BCAP29: variants seen among roughly 807,000 people sequenced by gnomAD.
BCAP29 encodes B-cell receptor-associated protein 29.
BCAP29 carries 34 observed loss-of-function variants against 31.8 expected under a neutral mutation model. That is an observed-to-expected ratio of 1.07 (90% confidence interval 0.81 to 1.42). BCAP29 has a LOEUF of 1.42. Among genes scored for constraint, BCAP29 ranks in the 40% most tolerant of loss-of-function variants. BCAP29 has a pLI of 0.00. For missense variants in BCAP29, 314 were observed against 269.2 expected, an observed-to-expected ratio of 1.17 and a Z score of -1.16; for synonymous variants, 104 against 91.3, an observed-to-expected ratio of 1.14 and a Z score of -0.79.
At chr7:107,618,234 C>G in intron 7 of BCAP29, 94 bp from the exon 8 acceptor site, 1 of 850,982 alleles carries the variant, frequency 1.2e-6, no homozygotes, top group Non-Finnish European at 1.8e-6. Context: ...CATAAGTATA[C>G]ATAGAAGAGA....
intron 5 of BCAP29, among the ~76,000 whole-genome samples, chr7:107,598,398 T>C (rs1272454920): frequency 6.6e-6 from 1 of 152,130 alleles, no homozygotes; most frequent in Non-Finnish European, 1.5e-5. Context: ...TCCTCCCTTC[T>C]CCAAAAAACA....
intron 6 of BCAP29, among the ~76,000 whole-genome samples, chr7:107,610,164 T>C (rs1268413445): frequency 2.0e-5 from 3 of 152,230 alleles, no homozygotes; most frequent in African/African-American, 7.2e-5. Context: ...TCATTTTCTA[T>C]ATTAATAAAT....
At chr7:107,600,093 TGAG>T in intron 5 of BCAP29, 1 of 343,002 alleles carries the variant, frequency 2.9e-6, no homozygotes, top group Non-Finnish European at 5.6e-6. Context: ...TCTCATTAAT[TGAG>T]GAAGAAAGAC....
chr7:107,615,213 G>A, intron 7 of BCAP29: 1 of 456,724 alleles, frequency 2.2e-6, no homozygotes, highest in East Asian at 6.9e-5. Flanking sequence ...ATATATAACA[G>A]TGAGATTTCC....
intron 6 of BCAP29, among the ~76,000 whole-genome samples, chr7:107,604,125 C>G (rs1410307336): frequency 6.6e-6 from 1 of 152,010 alleles, no homozygotes; most frequent in Non-Finnish European, 1.5e-5. Context: ...AGATTTGGAC[C>G]AGGAAACAGA....
chr7:107,601,877 AAGAT>A (rs2129261447), intron 6 of BCAP29, among the ~76,000 whole-genome samples: 1 of 152,288 alleles, frequency 6.6e-6, no homozygotes, highest in South Asian at 2.1e-4. Flanking sequence ...ACAAAAATAA[AAGAT>A]AGACAAGAGT....
intron 6 of BCAP29, among the ~76,000 whole-genome samples, chr7:107,604,573 A>G (rs1811735936): frequency 6.6e-6 from 1 of 152,104 alleles, no homozygotes; most frequent in African/African-American, 2.4e-5. Context: ...GTGGACGTGA[A>G]CTTAGTTATC....
intron 6 of BCAP29, among the ~76,000 whole-genome samples, chr7:107,607,491 C>G (rs563185290): frequency 6.6e-6 from 1 of 152,046 alleles, no homozygotes; most frequent in Non-Finnish European, 1.5e-5. Context: ...TCCCATCCCC[C>G]TCCATCCTTT....
chr7:107,612,421 A>T lies in BCAP29; in HGVS notation c.590-911A>T, dbSNP rs1038541874. Among the ~76,000 whole-genome samples the T allele has an allele frequency of 3.2e-4, 13 of 40,254 alleles. 1 individual carries two copies. The highest frequency in any genetic ancestry group is 4.0e-4 in the Non-Finnish European group (6 of 15,038). 26.4% of individuals were successfully genotyped at this position (40,254 alleles called of 152,430 possible). On this transcript the variant is annotated intron_variant, in intron 6 of 7. Transcript: ENST00000005259. ...TATATATATATATATATATATATAT[A>T]TATATATATATATATATATTTATTT...
chr7:107,603,456 CT>C (rs10710166), intron 6 of BCAP29: 115,774 of 151,778 alleles, frequency 0.76, 44,750 homozygotes, highest in African/African-American at 0.9. Context: ...ATTCTTAGGG[CT>C]TGCCAATCTT....
chr7:107,600,487 T>C lies in BCAP29; in HGVS notation c.571T>C (p.Leu191=). The C allele has an allele frequency of 6.3e-7, 1 of 1,598,750 alleles. No homozygotes were observed. The highest frequency in any genetic ancestry group is 1.1e-5 in the South Asian group (1 of 90,510). ...AGACCAGGAGAAACTGAAAACTGAA[T>C]TAAGGAAGACTTCAGATGGTAACTT... The part of the protein sequence containing the change: ...VEDQEKLKTE[L]RKTSDALSKA... Residue 191 remains leucine, a synonymous_variant, in exon 6 of 8, where the codon TTA becomes CTA. Coordinates refer to ENST00000005259, the MANE Select transcript of BCAP29 (RefSeq NM_018844.4).
At chr7:107,601,606 G>C (rs780563699) in intron 6 of BCAP29, among the ~76,000 whole-genome samples, 37 of 152,236 alleles carry the variant, frequency 2.4e-4, no homozygotes, top group Middle Eastern at 3.4e-3. Context: ...TGCCTTTTCT[G>C]TAATTCCAAA....
chr7:107,596,112 C>G, intron 5 of BCAP29, 110 bp downstream of exon 5: 1 of 901,972 alleles, frequency 1.1e-6, no homozygotes, highest in East Asian at 3.0e-5. Context: ...CAGAAAATGA[C>G]CATAATTAAC....
chr7:107,616,620 A>G (rs536256042), intron 7 of BCAP29, among the ~76,000 whole-genome samples: 1 of 152,282 alleles, frequency 6.6e-6, no homozygotes, highest in South Asian at 2.1e-4. Flanking sequence ...CAAGAATGCT[A>G]TTTATTATGT....
At chr7:107,599,018 T>C (rs1429515678) in intron 5 of BCAP29, among the ~76,000 whole-genome samples, 1 of 138,358 alleles carries the variant, frequency 7.2e-6, no homozygotes, top group Non-Finnish European at 1.5e-5. Context: ...AATTTATATA[T>C]ATAAATTTAT....
chr7:107,600,364 G>C (rs774473761), intron 5 of BCAP29, 33 bp from the exon 6 acceptor site: 1 of 1,328,902 alleles, frequency 7.5e-7, no homozygotes, highest in Non-Finnish European at 1.1e-6. Context: ...TGCAATCTAA[G>C]CTTATTTCTT....
At chr7:107,592,498 GTACAGCTGCTTTGGAA>G (rs1301066279) in intron 3 of BCAP29, among the ~76,000 whole-genome samples, 1 of 152,228 alleles carries the variant, frequency 6.6e-6, no homozygotes, top group African/African-American at 2.4e-5. Flanking sequence ...ATGTAAAGTA[GTACAGCTGCTTTGGAA>G]TACAGTTTGG....
chr7:107,612,590 T>C (rs1414055336), intron 6 of BCAP29, among the ~76,000 whole-genome samples: 2 of 151,884 alleles, frequency 1.3e-5, no homozygotes, highest in South Asian at 2.1e-4. Flanking sequence ...TATATATTGC[T>C]GCTTTAGTTA....
intron 7 of BCAP29, chr7:107,615,109 G>A (rs2129291590): frequency 2.4e-6 from 1 of 423,320 alleles, no homozygotes; most frequent in Admixed American, 2.5e-5. Flanking sequence ...CTTATGGCCA[G>A]TGTCCATTGT....
Sources: gnomAD v4.1 joint callset for allele counts (sites outside exome capture counted in the v4.1 genomes callset) on GRCh38, gnomAD v4.1.1 for gene constraint, MANE v1.5 for transcripts, NCBI Gene and HGNC (gene_info 2026-07-23, HGNC 2026-07-21) for gene names.